The following FAT4 variants were observed in gnomAD, a reference collection of about 807,000 sequenced individuals.
FAT4 encodes protocadherin Fat 4.
FAT4 carries 84 observed loss-of-function variants against 303.9 expected under a neutral mutation model. The observed-to-expected ratio is 0.28, with a 90% confidence interval of 0.23 to 0.33. The LOEUF is 0.33. Ranked by LOEUF, FAT4 falls within the 10% of genes least tolerant of loss-of-function variation. FAT4 has a pLI of 1.00. For missense variants in FAT4, 6,005 were observed against 6,146.8 expected (o/e 0.98, Z 0.77); for synonymous variants, 2,307 against 2,298.8 (o/e 1.00, Z -0.10).
chr4:125,492,007 G>T lies in FAT4; in HGVS notation c.*239G>T. 2.2e-6 allele frequency: 1 copy of T among 464,000 alleles called. No homozygotes were observed. Among genetic ancestry groups the T allele is most frequent in the Non-Finnish European group, 3.7e-6 (1 of 268,416 alleles). 28.7% of individuals were successfully genotyped at this position (464,000 alleles called of 1,614,324 possible). On this transcript the variant is annotated 3_prime_UTR_variant, in exon 18 of 18. Transcript: ENST00000394329. The stretch of plus-strand genomic sequence containing the variant: ...CATTGTGTTTTGTAACTAGTTATGT[G>T]GCATGCAGCATTTGGAAAATTTTTC...
chr4:125,414,290 T>A (rs1734956740), intron 5 of FAT4, among the ~76,000 whole-genome samples: 1 of 152,106 alleles, frequency 6.6e-6, no homozygotes, highest in African/African-American at 2.4e-5. Context: ...GCATGAGCAT[T>A]TATATTTGGA....
rs755452952 is a variant in FAT4 at position 125,318,066 on chromosome 4, T to C, written c.1655T>C (p.Ile552Thr). The change falls in exon 2 of 18, where the codon ATA (isoleucine) becomes ACA (threonine). Residue 552 changes from isoleucine (I) to threonine (T), a missense_variant. Transcript: ENST00000394329. ...CTTGCTTCCCAGATTGTTCTGAATA[T>C]AAGTGCCCGGGACCAGGGAGTTCAC... ...RELASQIVLN[I>T]SARDQGVHPK... is the part of the protein sequence containing the mutation. 1 of 1,614,130 alleles carries C rather than the reference T, an allele frequency of 6.2e-7. No homozygotes were observed. The highest frequency in any genetic ancestry group is 8.5e-7 in the Non-Finnish European group (1 of 1,180,020).
At chr4:125,482,627 C>G (rs1727268233) in intron 16 of FAT4, among the ~76,000 whole-genome samples, 1 of 151,962 alleles carries the variant, frequency 6.6e-6, no homozygotes, top group African/African-American at 2.4e-5. Context: ...GATAACAAAT[C>G]CAGATTTCCT....
chr4:125,359,261 T>G (rs1224404066), intron 2 of FAT4, among the ~76,000 whole-genome samples: 1 of 152,274 alleles, frequency 6.6e-6, no homozygotes, highest in East Asian at 1.9e-4. Context: ...CCCCACGTCT[T>G]AAGGCCAAAT....
intron 2 of FAT4, among the ~76,000 whole-genome samples, chr4:125,384,568 A>T (rs538683614): frequency 5.2e-4 from 79 of 151,940 alleles, no homozygotes; most frequent in Non-Finnish European, 1.1e-3. Flanking sequence ...TCCCTTTCAG[A>T]TATATGACTT....
At position 125,414,905 on chromosome 4, in the gene FAT4, A is replaced by G. The variant is rs769242208; in HGVS notation, c.5942A>G (p.Tyr1981Cys). 2 of 1,601,432 alleles carry G rather than the reference A, an allele frequency of 1.2e-6. No individual in the cohort carries two copies. Among genetic ancestry groups the G allele is most frequent in the South Asian group, 2.2e-5 (2 of 90,382 alleles). Residue 1981 changes from tyrosine to cysteine, a missense_variant, in exon 6 of 18, where the codon TAT becomes TGT. Tyr to Cys is a radical substitution (Grantham distance 194, BLOSUM62 -2). Coordinates refer to ENST00000394329, the MANE Select transcript of FAT4 (RefSeq NM_001291303.3). Reference sequence around the variant, plus strand: ...TCAGGCATCAACTCTCAATTGACTTATAGCATTGCTTCAGGTGATAGCCTT... The same window carrying G: ...TCAGGCATCAACTCTCAATTGACTTGTAGCATTGCTTCAGGTGATAGCCTT... ...ADDGINSQLT[Y>C]SIASGDSLGQ...
At chr4:125,359,537 G>C (rs1368440702) in intron 2 of FAT4, among the ~76,000 whole-genome samples, 8 of 152,118 alleles carry the variant, frequency 5.3e-5, no homozygotes, top group Non-Finnish European at 1.0e-4. Context: ...ACTAAAGGCA[G>C]GGTAAGATTT....
intron 2 of FAT4, among the ~76,000 whole-genome samples, chr4:125,368,226 G>A (rs2125989757): frequency 1.3e-5 from 2 of 151,994 alleles, no homozygotes; most frequent in South Asian, 4.2e-4. Flanking sequence ...GTGGGTTTAT[G>A]GAAATAAAGC....
Position 125,489,901 on chromosome 4 carries a change from C to A in FAT4, c.13085C>A (p.Ala4362Glu). 2 of 1,238,308 alleles carry A rather than the reference C, an allele frequency of 1.6e-6. No homozygotes were observed. The highest frequency in any genetic ancestry group is 2.1e-6 in the Non-Finnish European group (2 of 938,568). 76.7% of individuals were successfully genotyped at this position (1,238,308 alleles called of 1,614,324 possible). Reference sequence around the variant, plus strand: ...GCCTTACTCCTTCTTCTTCTCCCAGCAGGTTTTGATGGCTGCATTGCTTCT... The same window carrying A: ...GCCTTACTCCTTCTTCTTCTCCCAGAAGGTTTTGATGGCTGCATTGCTTCT... The part of the protein sequence containing the change: ...PNQAHRDAQT[A>E]GFDGCIASMW... Residue 4362 changes from alanine (A) to glutamate (E), a missense_variant and splice_region_variant, in exon 18 of 18, where the codon GCA becomes GAA. Ala to Glu is a moderately radical substitution (Grantham distance 107, BLOSUM62 -1). Coordinates refer to ENST00000394329, the MANE Select transcript of FAT4 (RefSeq NM_001291303.3).
chr4:125,409,210 C>T (rs17009615), intron 5 of FAT4, among the ~76,000 whole-genome samples: 4,405 of 151,310 alleles, frequency 0.029, 88 homozygotes, highest in East Asian at 0.07. Context: ...AAAATACTTA[C>T]GAATGCAAAA....
At chr4:125,484,060 T>C (rs868197910) in intron 16 of FAT4, among the ~76,000 whole-genome samples, 19 of 138,248 alleles carry the variant, frequency 1.4e-4, no homozygotes, top group Middle Eastern at 3.5e-3. Context: ...CAGACACACA[T>C]ACACACACAC....
chr4:125,356,398 A>G (rs1732424033), intron 2 of FAT4, among the ~76,000 whole-genome samples: 2 of 152,048 alleles, frequency 1.3e-5, no homozygotes, highest in African/African-American at 4.8e-5. Context: ...ATATGAACTA[A>G]TATGTAACAG....
chr4:125,336,717 A>T (rs1046893687), intron 2 of FAT4, among the ~76,000 whole-genome samples: 1 of 151,962 alleles, frequency 6.6e-6, no homozygotes, highest in African/African-American at 2.4e-5. Context: ...TTTTTTGAGT[A>T]AGTGGTCTTA....
intron 10 of FAT4, among the ~76,000 whole-genome samples, chr4:125,458,161 T>C (rs1416386990): frequency 1.3e-5 from 2 of 152,074 alleles, no homozygotes; most frequent in African/African-American, 4.8e-5. Flanking sequence ...GTATTTGGAA[T>C]AATGCCGGGG....
At chr4:125,416,853 G>A (rs1348529340) in intron 7 of FAT4, among the ~76,000 whole-genome samples, 4 of 152,002 alleles carry the variant, frequency 2.6e-5, no homozygotes, top group Non-Finnish European at 5.9e-5. Flanking sequence ...GGCTGAGGCA[G>A]GAGAATCGCT....
chr4:125,340,481 T>C (rs1731745160), intron 2 of FAT4, among the ~76,000 whole-genome samples: 1 of 152,114 alleles, frequency 6.6e-6, no homozygotes, highest in Admixed American at 6.6e-5. Flanking sequence ...CCTCCCGGGT[T>C]CACGCCATTC....
intron 16 of FAT4, among the ~76,000 whole-genome samples, chr4:125,485,054 T>C (rs1727361087): frequency 6.6e-6 from 1 of 152,174 alleles, no homozygotes; most frequent in Admixed American, 6.5e-5. Flanking sequence ...AGGTTTCACA[T>C]GTTGCCTAAA....
chr4:125,317,710 C>A lies in FAT4; in HGVS notation c.1299C>A (p.Ser433=). The part of the protein sequence containing the change: ...ASALDRERIP[S]YNLTVSVSDN... The stretch of plus-strand genomic sequence containing the variant: ...CCTTGGACCGCGAGCGCATCCCTTC[C>A]TACAACCTCACAGTTTCCGTCTCTG... The change falls in exon 2 of 18, where the codon TCC becomes TCA. Residue 433 remains serine (S), a synonymous_variant. Coordinates refer to ENST00000394329, the MANE Select transcript of FAT4 (RefSeq NM_001291303.3). The surrounding 1 kb of genome is among the most constrained non-coding windows in gnomAD (Gnocchi z 7.0). 6.2e-7 allele frequency: 1 copy of A among 1,614,122 alleles called. No homozygotes were observed.
chr4:125,465,684 C>T (rs181446415), intron 11 of FAT4, among the ~76,000 whole-genome samples: 1 of 152,100 alleles, frequency 6.6e-6, no homozygotes, highest in Non-Finnish European at 1.5e-5. Flanking sequence ...CTGTAGACAT[C>T]GCCAGGGGAA....
Sources: gnomAD v4.1 joint callset for allele counts (sites outside exome capture counted in the v4.1 genomes callset) on GRCh38, gnomAD v4.1.1 for gene constraint, Gnocchi (gnomAD v3.1) non-coding constraint, MANE v1.5 for transcripts, NCBI Gene and HGNC (gene_info 2026-07-23, HGNC 2026-07-21) for gene names.